Variants in FRMD4B observed in about 807,000 individuals in gnomAD.
The protein encoded by FRMD4B is FERM domain containing 4B.
In FRMD4B, 74 loss-of-function variants were observed where a neutral mutation model predicts 141.5. The ratio of observed to expected loss-of-function variants is 0.52; its 90% CI spans 0.43 to 0.63. The LOEUF (loss-of-function observed/expected upper bound fraction) is 0.63, where lower values mean the gene tolerates loss of function less well. FRMD4B is among the 30% of genes least tolerant of loss of function. The probability of loss-of-function intolerance (pLI) is 0.00; values close to 1 mark genes in which losing one functional copy is unlikely to be tolerated. For synonymous variants in FRMD4B, 506 were observed against 467.9 expected (o/e 1.08, Z -1.05); for missense variants, 1,366 against 1,253.4 (o/e 1.09, Z -1.36).
chr3:69,475,867 G>C (rs1324379344), intron 1 of FRMD4B, among the ~76,000 whole-genome samples: 1 of 151,752 alleles, frequency 6.6e-6, no homozygotes, highest in Non-Finnish European at 1.5e-5. Context: ...TCCAGCACCT[G>C]TTGTTTCCTG....
chr3:69,384,756 C>T (rs9820679), intron 1 of FRMD4B, among the ~76,000 whole-genome samples: 10,356 of 152,254 alleles, frequency 0.068, 1,159 homozygotes, highest in African/African-American at 0.23. Flanking sequence ...TAGACTTCCA[C>T]AGGCTAACCT....
chr3:69,453,861 T>C (rs1304913642), intron 1 of FRMD4B, among the ~76,000 whole-genome samples: 1 of 151,984 alleles, frequency 6.6e-6, no homozygotes. Flanking sequence ...GGATAAAGGA[T>C]GAGTGAGAAA....
chr3:69,240,715 C>T (rs1273068860), intron 7 of FRMD4B, among the ~76,000 whole-genome samples: 3 of 152,076 alleles, frequency 2.0e-5, no homozygotes, highest in East Asian at 3.9e-4. Flanking sequence ...ATGGATTAAC[C>T]GCATTAGCCA....
At chr3:69,503,081 T>C (rs563285837) in intron 1 of FRMD4B, among the ~76,000 whole-genome samples, 9 of 152,326 alleles carry the variant, frequency 5.9e-5, no homozygotes, top group Admixed American at 5.9e-4. Context: ...TTTGACACTG[T>C]TGGTGGGACT....
At chr3:69,221,422 A>G (rs748351853) in intron 9 of FRMD4B, among the ~76,000 whole-genome samples, 4 of 152,216 alleles carry the variant, frequency 2.6e-5, no homozygotes, top group Admixed American at 6.5e-5. Flanking sequence ...CATGGCTTCT[A>G]GATAGGTTTT....
intron 5 of FRMD4B, among the ~76,000 whole-genome samples, chr3:69,282,418 C>T (rs1201144072): frequency 6.6e-6 from 1 of 152,130 alleles, no homozygotes; most frequent in African/African-American, 2.4e-5. Flanking sequence ...CCATCAGTGA[C>T]TCACTTTTGC....
intron 1 of FRMD4B, among the ~76,000 whole-genome samples, chr3:69,440,116 T>C (rs1559528148): frequency 6.6e-6 from 1 of 152,234 alleles, no homozygotes; most frequent in Non-Finnish European, 1.5e-5. Flanking sequence ...GTGTGACTTT[T>C]GAGACTCTAG....
At chr3:69,213,823 T>C (rs1485800159) in intron 11 of FRMD4B, among the ~76,000 whole-genome samples, 1 of 151,970 alleles carries the variant, frequency 6.6e-6, no homozygotes, top group Non-Finnish European at 1.5e-5. Flanking sequence ...CCACCATGCC[T>C]GGCTAATTTG....
chr3:69,282,449 G>T (rs889307060), intron 5 of FRMD4B, among the ~76,000 whole-genome samples: 3 of 152,084 alleles, frequency 2.0e-5, no homozygotes, highest in Non-Finnish European at 2.9e-5. Context: ...ATCCACCTAC[G>T]AGTGTTCTAC....
chr3:69,540,674 C>T (rs1398315501), intron 1 of FRMD4B, among the ~76,000 whole-genome samples: 64 of 125,834 alleles, frequency 5.1e-4, no homozygotes, highest in African/African-American at 1.2e-3. Context: ...CACACACACA[C>T]ACACACACAC....
intron 1 of FRMD4B, chr3:69,471,637 T>C: frequency 5.6e-6 from 1 of 177,328 alleles, no homozygotes; most frequent in Non-Finnish European, 1.3e-5. Context: ...CCAAAATACA[T>C]GTCTCTTTTC....
chr3:69,503,893 A>G (rs1380313916), intron 1 of FRMD4B, among the ~76,000 whole-genome samples: 1 of 152,190 alleles, frequency 6.6e-6, no homozygotes, highest in Non-Finnish European at 1.5e-5. Context: ...AGTTACTAGT[A>G]TCCTGGTTGT....
chr3:69,346,612 A>G (rs1702952909), intron 1 of FRMD4B, among the ~76,000 whole-genome samples: 1 of 152,244 alleles, frequency 6.6e-6, no homozygotes, highest in African/African-American at 2.4e-5. Flanking sequence ...AGGGAAGCCC[A>G]TCAGACTAAT....
chr3:69,334,290 G>T (rs772046357), intron 1 of FRMD4B: 12 of 152,062 alleles, frequency 7.9e-5, no homozygotes, highest in Admixed American at 3.3e-4. Context: ...CACCACTGAG[G>T]TCCCCCTCCC....
At chr3:69,185,206 C>T (rs2092752092) in intron 19 of FRMD4B, among the ~76,000 whole-genome samples, 1 of 149,046 alleles carries the variant, frequency 6.7e-6, no homozygotes, top group South Asian at 2.1e-4. Flanking sequence ...GAGGTTGAGG[C>T]AGGAGAATGG....
intron 2 of FRMD4B, among the ~76,000 whole-genome samples, chr3:69,422,222 T>C (rs558280127): frequency 6.6e-6 from 1 of 151,898 alleles, no homozygotes; most frequent in East Asian, 1.9e-4. Context: ...TGAAACCCCG[T>C]CTCCACTAAA....
chr3:69,479,800 G>T (rs540459311), intron 1 of FRMD4B, among the ~76,000 whole-genome samples: 1 of 152,294 alleles, frequency 6.6e-6, no homozygotes, highest in South Asian at 2.1e-4. Flanking sequence ...CTTGCAGATT[G>T]TTTTCCAACT....
At chr3:69,527,092 C>A (rs774138818) in intron 1 of FRMD4B, among the ~76,000 whole-genome samples, 16 of 152,150 alleles carry the variant, frequency 1.1e-4, no homozygotes, top group Admixed American at 2.0e-4. Flanking sequence ...GTCCTCCGTC[C>A]TGGGGCATGG....
At chr3:69,405,664 G>A (rs976435887) in intron 2 of FRMD4B, among the ~76,000 whole-genome samples, 2 of 152,190 alleles carry the variant, frequency 1.3e-5, no homozygotes, top group Non-Finnish European at 2.9e-5. Context: ...GCAAAGGGAG[G>A]AACCATTGCT....
Sources: gnomAD v4.1 joint callset for allele counts (sites outside exome capture counted in the v4.1 genomes callset) on GRCh38, gnomAD v4.1.1 for gene constraint, MANE v1.5 for transcripts, NCBI Gene and HGNC (gene_info 2026-07-23, HGNC 2026-07-21) for gene names.